Variants in SMARCA2 observed in about 807,000 individuals in gnomAD.
SMARCA2 encodes the protein SWI/SNF-related matrix-associated actin-dependent regulator of chromatin subfamily A member 2.
Under a neutral mutation model 199.8 loss-of-function variants are expected in SMARCA2, and 61 were observed. The observed-to-expected ratio is 0.31, with a 90% CI of 0.25 to 0.38. SMARCA2 has a LOEUF of 0.38. Among genes scored for constraint, SMARCA2 ranks in the 10% least tolerant of loss-of-function variants. The pLI, the probability that SMARCA2 is intolerant of heterozygous loss-of-function variation, is 1.00. For synonymous variants in SMARCA2, 935 were observed against 732.0 expected (o/e 1.28, Z -4.48); for missense variants, 1,344 against 2,012.2 (o/e 0.67, Z 6.35).
chr9:2,181,806 T>A, intron 30 of SMARCA2, 130 bp downstream of exon 30: 1 of 637,732 alleles, frequency 1.6e-6, no homozygotes, highest in East Asian at 2.7e-5. Context: ...AAGGTTGGGA[T>A]GTCCTTGTGC....
intron 32 of SMARCA2, 85 bp downstream of exon 32, chr9:2,186,313 T>C (rs1827451461): frequency 1.0e-5 from 14 of 1,393,180 alleles, no homozygotes; most frequent in African/African-American, 3.3e-5. Flanking sequence ...GAAGAGACTT[T>C]AGAGTGGGGC....
At chr9:2,188,635 TATTA>T (rs1038572750) in intron 32 of SMARCA2, among the ~76,000 whole-genome samples, 1 of 152,216 alleles carries the variant, frequency 6.6e-6, no homozygotes, top group Admixed American at 6.5e-5. Context: ...AGCCTTGGTA[TATTA>T]ATTTTCTATT....
At chr9:2,111,141 G>A (rs1006641911) in intron 24 of SMARCA2, among the ~76,000 whole-genome samples, 1 of 151,572 alleles carries the variant, frequency 6.6e-6, no homozygotes, top group Non-Finnish European at 1.5e-5. Context: ...ATTGGGTAGG[G>A]TGATATTGGT....
intron 3 of SMARCA2, 98 bp downstream of exon 3, chr9:2,033,179 A>T (rs1477855292): frequency 7.1e-7 from 1 of 1,402,806 alleles, no homozygotes; most frequent in African/African-American, 1.4e-5. Flanking sequence ...AATGTGTCTA[A>T]GGAAGGTTGA....
intron 27 of SMARCA2, among the ~76,000 whole-genome samples, chr9:2,144,970 A>G (rs926381711): frequency 2.9e-4 from 44 of 152,338 alleles, no homozygotes; most frequent in Middle Eastern, 3.4e-3. Flanking sequence ...AAGTTGGGGA[A>G]TCTGCATTTA....
At position 2,039,801 on chromosome 9, in the gene SMARCA2, CAG is replaced by C. The variant is rs773178214; in HGVS notation, c.692_693del (p.Gln231ProfsTer27). 2 of 1,606,706 alleles carry C rather than the reference CAG, an allele frequency of 1.2e-6. No individual in the cohort carries two copies. Among genetic ancestry groups the C allele is most frequent in the Admixed American group, 1.7e-5 (1 of 59,504 alleles). ...ACAGCAGCAGCAGCAGCAGCAGCAG[CAG>C]CAGCAGCAGCAGCAACAGCAGCCGC... Reference protein sequence around the residue: ...QQQQQQQQQQQQQQQQQQPQQ... With the variant: ...QQQQQQQQQQXQQQQQQQPQQ... On this transcript the variant is annotated frameshift_variant, in exon 4 of 34. Transcript: ENST00000349721. LOFTEE classifies it high-confidence loss of function. This position sits in a 1 kb window ranked among gnomAD's most constrained non-coding sequence, Gnocchi z 4.8.
intron 9 of SMARCA2, chr9:2,069,064 C>G (rs1358465201): frequency 6.6e-6 from 1 of 151,520 alleles, no homozygotes; most frequent in Non-Finnish European, 1.5e-5. Context: ...CTACAGGTAC[C>G]CACCACAACA....
chr9:2,114,334 G>C (rs1464025360), intron 24 of SMARCA2, among the ~76,000 whole-genome samples: 2 of 152,092 alleles, frequency 1.3e-5, no homozygotes, highest in Non-Finnish European at 2.9e-5. Context: ...AAGAAGTTTT[G>C]CCTAATTGGC....
rs1447192907 is a variant in SMARCA2 at position 2,175,615 on chromosome 9, G to A, written c.4253+5143G>A. Among the ~76,000 whole-genome samples, 2 of 152,148 alleles carry A rather than the reference G, an allele frequency of 1.3e-5. 1 individual carries two copies. The highest frequency in any genetic ancestry group is 2.9e-5 in the Non-Finnish European group (2 of 68,032). ...TAATTTCTTTGGAAAAATAAAATTA[G>A]ATATTTGACTTATGGCATGTTTTCA... On this transcript the variant is annotated intron_variant, in intron 29 of 33. Coordinates refer to ENST00000349721, the MANE Select transcript of SMARCA2 (RefSeq NM_003070.5).
chr9:2,076,457 C>G (rs1409626498), intron 13 of SMARCA2, 128 bp downstream of exon 13: 1 of 642,800 alleles, frequency 1.6e-6, no homozygotes, highest in Non-Finnish European at 2.8e-6. Context: ...AACTGTGCTC[C>G]TAGAGGTCAC....
chr9:2,155,758 T>TCC (rs1825329048), intron 27 of SMARCA2, among the ~76,000 whole-genome samples: 1 of 82,522 alleles, frequency 1.2e-5, no homozygotes, highest in African/African-American at 4.8e-5. Context: ...TTTTTTTTTT[T>TCC]CAAAAGTGAT....
intron 5 of SMARCA2, among the ~76,000 whole-genome samples, chr9:2,053,514 T>C (rs1820216993): frequency 6.6e-6 from 1 of 152,174 alleles, no homozygotes; most frequent in South Asian, 2.1e-4. Context: ...GTTTTCCTCA[T>C]CAGCAAAATG....
At chr9:2,118,201 C>T (rs1249236354) in intron 25 of SMARCA2, among the ~76,000 whole-genome samples, 1 of 152,154 alleles carries the variant, frequency 6.6e-6, no homozygotes, top group East Asian at 1.9e-4. Context: ...ATATTTTGTA[C>T]TGTGAAGTCT....
At chr9:2,179,319 C>A (rs893830672) in intron 29 of SMARCA2, among the ~76,000 whole-genome samples, 1 of 152,182 alleles carries the variant, frequency 6.6e-6, no homozygotes, top group East Asian at 1.9e-4. Context: ...AACAACATAT[C>A]CCAAGAAGTC....
chr9:2,113,652 AAC>A (rs1823099344), intron 24 of SMARCA2, among the ~76,000 whole-genome samples: 1 of 152,212 alleles, frequency 6.6e-6, no homozygotes, highest in Non-Finnish European at 1.5e-5. Flanking sequence ...GAAACACACA[AAC>A]ACACATCACT....
chr9:2,129,439 T>C (rs1254747502), intron 27 of SMARCA2, among the ~76,000 whole-genome samples: 1 of 151,864 alleles, frequency 6.6e-6, no homozygotes, highest in Non-Finnish European at 1.5e-5. Context: ...ACTAGCCAAA[T>C]GAATGGAAGC....
At chr9:2,107,935 C>G (rs1028780449) in intron 23 of SMARCA2, among the ~76,000 whole-genome samples, 1 of 152,130 alleles carries the variant, frequency 6.6e-6, no homozygotes, top group African/African-American at 2.4e-5. Flanking sequence ...AACTCTACCT[C>G]CCTGAAGATA....
At chr9:2,138,295 A>C (rs1824305531) in intron 27 of SMARCA2, among the ~76,000 whole-genome samples, 1 of 152,214 alleles carries the variant, frequency 6.6e-6, no homozygotes, top group Non-Finnish European at 1.5e-5. Flanking sequence ...TATGCCTTTT[A>C]GATGGCTTCC....
chr9:2,142,281 C>G (rs1210413593), intron 27 of SMARCA2, among the ~76,000 whole-genome samples: 1 of 152,210 alleles, frequency 6.6e-6, no homozygotes, highest in Non-Finnish European at 1.5e-5. Flanking sequence ...GTTCTAGAAT[C>G]AGACAACGTC....
Sources: allele counts gnomAD v4.1 joint callset (sites outside exome capture counted in the v4.1 genomes callset), GRCh38; gene constraint gnomAD v4.1.1; non-coding constraint Gnocchi (gnomAD v3.1); transcripts MANE v1.5; gene names NCBI Gene and HGNC (gene_info 2026-07-23, HGNC 2026-07-21).